Variants in PRIM2 observed in about 807,000 individuals in gnomAD.
The protein encoded by PRIM2 is DNA primase large subunit.
Under a neutral mutation model 67.3 loss-of-function variants are expected in PRIM2, and 39 were observed. The observed-to-expected ratio is 0.58, with a 90% CI of 0.45 to 0.76. The LOEUF (loss-of-function observed/expected upper bound fraction) is 0.76. Ranked by LOEUF, PRIM2 falls within the 30% of genes least tolerant of loss-of-function variation. The probability of loss-of-function intolerance (pLI) is 0.00; values close to 1 mark genes in which losing one functional copy is unlikely to be tolerated. For missense variants in PRIM2, 398 were observed against 598.7 expected (o/e 0.66, Z 3.50); for synonymous variants, 143 against 198.7 (o/e 0.72, Z 2.36).
chr6:57,272,882 A>G, the PRIM2 span, among the ~76,000 whole-genome samples: 2,467 of 152,230 alleles, frequency 0.016, 51 homozygotes, highest in African/African-American at 0.056. Flanking sequence ...TGCTTCACTT[A>G]TGAAGCTTAG....
At chr6:57,403,745 G>A (rs1351608204) in intron 7 of PRIM2, among the ~76,000 whole-genome samples, 5 of 152,096 alleles carry the variant, frequency 3.3e-5, no homozygotes, top group Non-Finnish European at 7.3e-5. Flanking sequence ...ATTTTTAGAG[G>A]AGGAAAGCAT....
chr6:57,434,378 C>T (rs1230872028), intron 7 of PRIM2, among the ~76,000 whole-genome samples: 4 of 151,888 alleles, frequency 2.6e-5, no homozygotes, highest in Non-Finnish European at 5.9e-5. Flanking sequence ...ATTGAAACTC[C>T]TCCAGTCACA....
At chr6:57,372,382 G>T (rs9475899) in intron 5 of PRIM2, among the ~76,000 whole-genome samples, 3,798 of 152,244 alleles carry the variant, frequency 0.025, 147 homozygotes, top group African/African-American at 0.086. Flanking sequence ...ATAAAACTAG[G>T]ATAATATCCA....
chr6:57,451,762 G>C (rs1772558955), intron 7 of PRIM2, among the ~76,000 whole-genome samples: 2 of 150,828 alleles, frequency 1.3e-5, no homozygotes, highest in African/African-American at 4.9e-5. Context: ...CTACATACTG[G>C]CTTGTTCATT....
At chr6:57,598,892 G>C (rs1474785220) in intron 10 of PRIM2, among the ~76,000 whole-genome samples, 49,396 of 80,594 alleles carry the variant, frequency 0.61, 16,358 homozygotes, top group African/African-American at 0.83. Flanking sequence ...GGAACCTACT[G>C]CTTGCAATTG....
chr6:57,303,481 A>T, the PRIM2 span, among the ~76,000 whole-genome samples: 1 of 152,246 alleles, frequency 6.6e-6, no homozygotes. Flanking sequence ...TTATTTTAAT[A>T]GATACTACTT....
intron 10 of PRIM2, among the ~76,000 whole-genome samples, chr6:57,562,702 G>A (rs1342099055): frequency 5.9e-5 from 9 of 152,282 alleles, no homozygotes; most frequent in South Asian, 4.2e-4. Flanking sequence ...AACTCCTCCT[G>A]TCGTCTTTCC....
chr6:57,230,847 C>T, the PRIM2 span, among the ~76,000 whole-genome samples: 2 of 152,180 alleles, frequency 1.3e-5, no homozygotes, highest in African/African-American at 4.8e-5. Flanking sequence ...TTTACCTCAA[C>T]TCCCAGGGTT....
chr6:57,482,190 T>C (rs1773645955), intron 7 of PRIM2, among the ~76,000 whole-genome samples: 1 of 149,348 alleles, frequency 6.7e-6, no homozygotes, highest in Non-Finnish European at 1.5e-5. Flanking sequence ...TAGGGGAAAA[T>C]GATGAGTTTG....
intron 10 of PRIM2, among the ~76,000 whole-genome samples, chr6:57,551,435 A>C (rs1775400017): frequency 6.6e-6 from 1 of 152,224 alleles, no homozygotes; most frequent in Non-Finnish European, 1.5e-5. Context: ...AGATTTAAAA[A>C]ATTTGAATGG....
intron 7 of PRIM2, among the ~76,000 whole-genome samples, chr6:57,384,919 G>A (rs1032514808): frequency 6.6e-6 from 1 of 152,074 alleles, no homozygotes; most frequent in Non-Finnish European, 1.5e-5. Flanking sequence ...TTTGTGTATT[G>A]CAAAGTTTAA....
intron 5 of PRIM2, among the ~76,000 whole-genome samples, chr6:57,335,245 A>G (rs1273819958): frequency 6.6e-6 from 1 of 151,274 alleles, no homozygotes; most frequent in Non-Finnish European, 1.5e-5. Context: ...CTAGCACAGC[A>G]GTCTGAGATC....
chr6:57,519,939 G>T, intron 8 of PRIM2, among the ~76,000 whole-genome samples: 2 of 152,324 alleles, frequency 1.3e-5, no homozygotes. Flanking sequence ...TGGGGTCCCT[G>T]ACTTCCCGCA....
intron 8 of PRIM2, among the ~76,000 whole-genome samples, chr6:57,508,158 A>C (rs1774287834): frequency 6.6e-6 from 1 of 152,132 alleles, no homozygotes; most frequent in African/African-American, 2.4e-5. Flanking sequence ...ACTGGTCTCG[A>C]ACTCCTGACC....
chr6:57,615,858 C>G (rs1776747491), intron 12 of PRIM2, among the ~76,000 whole-genome samples: 1 of 152,270 alleles, frequency 6.6e-6, no homozygotes, highest in Non-Finnish European at 1.5e-5. Flanking sequence ...CCACTGTACT[C>G]CATCCTGGAA....
At chr6:57,382,005 T>C (rs772012557) in intron 6 of PRIM2, 26 bp from the exon 7 acceptor site, 4 of 1,587,728 alleles carry the variant, frequency 2.5e-6, no homozygotes, top group Non-Finnish European at 3.4e-6. Context: ...TGCTGACTTA[T>C]TTTGCCTGTT....
chr6:57,416,964 CT>C (rs1429955644), intron 7 of PRIM2, among the ~76,000 whole-genome samples: 1 of 108,824 alleles, frequency 9.2e-6, no homozygotes, highest in African/African-American at 3.0e-5. Context: ...TCACTTTCTT[CT>C]TTTTTTCTTT....
intron 10 of PRIM2, among the ~76,000 whole-genome samples, chr6:57,576,268 A>T (rs1266976649): frequency 5.2e-4 from 79 of 152,106 alleles, no homozygotes; most frequent in Non-Finnish European, 7.5e-4. Context: ...CTTTAAAAAT[A>T]TGTGCTTTTA....
At chr6:57,635,327 C>T (rs1777101040) in intron 13 of PRIM2, among the ~76,000 whole-genome samples, 1 of 152,142 alleles carries the variant, frequency 6.6e-6, no homozygotes, top group Non-Finnish European at 1.5e-5. Context: ...TCATTGTGTG[C>T]AGAATGTGCT....
Sources: allele counts gnomAD v4.1 joint callset (sites outside exome capture counted in the v4.1 genomes callset), GRCh38; gene constraint gnomAD v4.1.1; transcripts MANE v1.5; gene names NCBI Gene and HGNC (gene_info 2026-07-23, HGNC 2026-07-21).